The following VRK3 variants were observed in gnomAD, a reference collection of about 807,000 sequenced individuals.
VRK3 encodes serine/threonine-protein kinase VRK3.
In VRK3, 50 loss-of-function variants were observed where a neutral mutation model predicts 60.4. The observed-to-expected ratio is 0.83, with a 90% CI of 0.66 to 1.05. VRK3 has a LOEUF of 1.05. VRK3 is among the 50% of genes least tolerant of loss of function. The pLI is 0.00. For synonymous variants in VRK3, 246 were observed against 227.8 expected, an observed-to-expected ratio of 1.08 and a Z score of -0.72; for missense variants, 549 against 585.3, an observed-to-expected ratio of 0.94 and a Z score of 0.64.
chr19:50,021,412 G>A (rs576167565), intron 1 of VRK3, among the ~76,000 whole-genome samples: 2 of 152,280 alleles, frequency 1.3e-5, no homozygotes, highest in Non-Finnish European at 2.9e-5. Context: ...GCACCTGGCT[G>A]GCTCGCTCAG....
At chr19:49,995,307 C>T (rs2076682769) in intron 7 of VRK3, 32 bp from the exon 8 acceptor site, 1 of 1,600,066 alleles carries the variant, frequency 6.2e-7, no homozygotes, top group African/African-American at 1.3e-5. Flanking sequence ...GGTTAGAACC[C>T]ACCCAGTCCC....
intron 12 of VRK3, among the ~76,000 whole-genome samples, chr19:49,983,679 A>G (rs746694667): frequency 3.9e-5 from 6 of 152,158 alleles, no homozygotes; most frequent in Non-Finnish European, 5.9e-5. Flanking sequence ...TCTTTTACTC[A>G]TTTTGTCTGT....
rs60827350 is a variant in VRK3, at chr19:50,022,096, C to G, written c.-64-1449G>C. Among the ~76,000 whole-genome samples, 9 of 152,240 alleles carry G rather than the reference C, an allele frequency of 5.9e-5. No homozygotes were observed. The East Asian group carries it at 1.5e-3, about 26-fold the overall frequency. On this transcript the variant is annotated intron_variant, in intron 1 of 14. Transcript: ENST00000316763. Reference sequence around the variant, plus strand: ...CAAAGGGTGACAATTCTCCTTCCCCCAGACCTGACTCCACTCACCTAGAAA... The same window carrying G: ...CAAAGGGTGACAATTCTCCTTCCCCGAGACCTGACTCCACTCACCTAGAAA...
At chr19:50,017,736 T>C (rs533981372) in intron 2 of VRK3, among the ~76,000 whole-genome samples, 7 of 152,256 alleles carry the variant, frequency 4.6e-5, no homozygotes, top group Admixed American at 1.3e-4. Flanking sequence ...AGTGGCATAA[T>C]CATGGCTCAC....
intron 7 of VRK3, chr19:49,997,185 A>C (rs1219382889): frequency 5.0e-6 from 1 of 199,908 alleles, no homozygotes; most frequent in East Asian, 1.2e-4. Context: ...AGGTTTTGCC[A>C]CATTGCCCAG....
At chr19:49,988,575 TCTCA>T in intron 11 of VRK3, 83 bp from the exon 12 acceptor site, 2 of 1,524,050 alleles carry the variant, frequency 1.3e-6, no homozygotes, top group Non-Finnish European at 1.8e-6. Flanking sequence ...TTCCCCTCTC[TCTCA>T]CTGACTCAAC....
At chr19:49,980,843 T>A in intron 13 of VRK3, 112 bp downstream of exon 13, 1 of 933,652 alleles carries the variant, frequency 1.1e-6, no homozygotes, top group Non-Finnish European at 1.6e-6. Context: ...ACAAATGCAA[T>A]TTGGAAAACT....
intron 12 of VRK3, among the ~76,000 whole-genome samples, chr19:49,983,934 C>T (rs2076468393): frequency 6.7e-6 from 1 of 150,100 alleles, no homozygotes; most frequent in African/African-American, 2.5e-5. Flanking sequence ...TTTTTGTGCG[C>T]CTGGCCCTCT....
At chr19:49,987,313 A>C (rs11879641) in intron 12 of VRK3, among the ~76,000 whole-genome samples, 2 of 151,998 alleles carry the variant, frequency 1.3e-5, no homozygotes, top group Non-Finnish European at 2.9e-5. Flanking sequence ...CCACATCCCT[A>C]GCACTTCCCT....
At chr19:49,988,119 G>A in intron 12 of VRK3, 1 of 361,728 alleles carries the variant, frequency 2.8e-6, no homozygotes, top group South Asian at 2.9e-5. Flanking sequence ...CATGGAGCAG[G>A]ACACTGAGGC....
intron 12 of VRK3, among the ~76,000 whole-genome samples, chr19:49,983,060 G>A (rs1258947842): frequency 6.6e-6 from 1 of 151,960 alleles, no homozygotes; most frequent in Non-Finnish European, 1.5e-5. Context: ...ACTCCTTGCT[G>A]GCCTCCTGTG....
At chr19:49,992,704 C>G (rs930361997) in intron 10 of VRK3, among the ~76,000 whole-genome samples, 156 bp downstream of exon 10, 2 of 152,098 alleles carry the variant, frequency 1.3e-5, no homozygotes, top group African/African-American at 2.4e-5. Flanking sequence ...CATTTTCCTA[C>G]TAAGTTGCTT....
At position 49,989,771 on chromosome 19, in the gene VRK3, C is replaced by G; in HGVS notation, c.964G>C (p.Val322Leu). Residue 322 changes from valine to leucine, a missense_variant and splice_region_variant, in exon 11 of 15, where the codon GTG (valine) becomes CTG (leucine). By Grantham distance (32) the Val-to-Leu change is conservative (BLOSUM62 1). Coordinates refer to ENST00000316763, the MANE Select transcript of VRK3 (RefSeq NM_016440.4). ...IFVDPEDQSQ[V>L]TLAGYGFAFR... The stretch of plus-strand genomic sequence containing the variant: ...GCGAAGCCATAGCCTGCCAAAGTCA[C>G]CTGTGGACACAGGGAAAAGCCATAC... The G allele has an allele frequency of 6.2e-7, 1 of 1,609,416 alleles. No homozygotes were observed. Among genetic ancestry groups the G allele is most frequent in the South Asian group, 1.1e-5 (1 of 90,430 alleles).
intron 2 of VRK3, among the ~76,000 whole-genome samples, chr19:50,017,849 C>T (rs941296828): frequency 9.2e-5 from 14 of 151,794 alleles, no homozygotes; most frequent in Admixed American, 3.3e-4. Context: ...TTTTTAGAGA[C>T]GGGGTCTCAC....
At chr19:49,978,224 A>G (rs1266054323) in intron 14 of VRK3, among the ~76,000 whole-genome samples, 1 of 152,148 alleles carries the variant, frequency 6.6e-6, no homozygotes, top group Non-Finnish European at 1.5e-5. Context: ...GTCTCCAGAC[A>G]CTGCCAAATG....
chr19:50,003,432 C>G (rs998857822), intron 5 of VRK3, among the ~76,000 whole-genome samples: 1 of 152,228 alleles, frequency 6.6e-6, no homozygotes, highest in South Asian at 2.1e-4. Flanking sequence ...AGCGTGGGCC[C>G]GACCCTGAGC....
At chr19:50,002,465 G>A (rs780243282) in intron 5 of VRK3, among the ~76,000 whole-genome samples, 2 of 152,092 alleles carry the variant, frequency 1.3e-5, no homozygotes, top group Non-Finnish European at 2.9e-5. Flanking sequence ...CCAAGCATCC[G>A]CCCAGCTCTG....
chr19:50,007,925 C>T (rs2076926518), intron 4 of VRK3, 99 bp from the exon 5 acceptor site: 15 of 1,518,542 alleles, frequency 9.9e-6, no homozygotes, highest in East Asian at 2.3e-5. Context: ...TTTACAAATT[C>T]GTTCATTCAA....
At chr19:49,979,874 T>C (rs558415715) in intron 13 of VRK3, among the ~76,000 whole-genome samples, 1 of 141,594 alleles carries the variant, frequency 7.1e-6, no homozygotes, top group Admixed American at 6.9e-5. Context: ...AAACCCCATC[T>C]CTACTAAAAA....
Sources: allele counts gnomAD v4.1 joint callset (sites outside exome capture counted in the v4.1 genomes callset), GRCh38; gene constraint gnomAD v4.1.1; transcripts MANE v1.5; gene names NCBI Gene and HGNC (gene_info 2026-07-23, HGNC 2026-07-21).